Variants in CALM3 observed in about 807,000 individuals in gnomAD.
The protein encoded by CALM3 is calmodulin 3, also known as calmodulin-3.
A neutral mutation model predicts 20.1 loss-of-function variants in CALM3; 5 were observed. The observed-to-expected ratio is 0.25, with a 90% CI of 0.13 to 0.52. The LOEUF is 0.52. CALM3 is among the 20% of genes least tolerant of loss of function. The pLI is 0.96. For missense variants in CALM3, 57 were observed against 192.8 expected, an observed-to-expected ratio of 0.30 and a Z score of 4.17; for synonymous variants, 69 against 68.1, an observed-to-expected ratio of 1.01 and a Z score of -0.06.
At position 46,608,138 on chromosome 19, in the gene CALM3, G is replaced by A; in HGVS notation, c.35-59G>A. 6.5e-7 allele frequency: 1 copy of A among 1,547,718 alleles called. No homozygotes were observed. The highest frequency in any genetic ancestry group is 8.8e-7 in the Non-Finnish European group (1 of 1,137,294). On this transcript the variant is annotated intron_variant, in intron 2 of 5. Transcript: ENST00000291295. The surrounding 1 kb of genome is among the most constrained non-coding windows in gnomAD (Gnocchi z 5.5). Reference sequence around the variant, plus strand: ...CTCCAGGGAAGGCATCCAGCATCCAGAGGTAAGGATTCTCCTGTGGACCTT... The same window carrying A: ...CTCCAGGGAAGGCATCCAGCATCCAAAGGTAAGGATTCTCCTGTGGACCTT...
Position 46,601,405 on chromosome 19 carries a change from C to A in CALM3, c.-30C>A, listed in dbSNP as rs564316220. 193 of 1,500,284 alleles carry A rather than the reference C, an allele frequency of 1.3e-4. 2 individuals are homozygous for A. The South Asian group carries it at 2.1e-3, about 17-fold the overall frequency. 92.9% of individuals were successfully genotyped at this position (1,500,284 alleles called of 1,614,324 possible). Reference sequence around the variant, plus strand: ...CTGCCGCCGCCGGAGGAACCTTGATCCCCGTGCTCCGGACACCCCGGGCCT... The same window carrying A: ...CTGCCGCCGCCGGAGGAACCTTGATACCCGTGCTCCGGACACCCCGGGCCT... On this transcript the variant is annotated 5_prime_UTR_variant, in exon 1 of 6. Coordinates refer to ENST00000291295, the MANE Select transcript of CALM3 (RefSeq NM_005184.4). The surrounding 1 kb of genome is among the most constrained non-coding windows in gnomAD (Gnocchi z 4.2).
rs1568666582 is a variant in CALM3, at chr19:46,608,781, C to T, written c.286-65C>T. The T allele has an allele frequency of 1.3e-6, 2 of 1,491,480 alleles. No homozygotes were observed. The highest frequency in any genetic ancestry group is 2.3e-5 in the East Asian group (1 of 43,018). The allele number at this position is 1,491,480 out of a possible 1,614,324, so 92.4% of individuals were successfully genotyped here. A position where few individuals can be genotyped will look rare whatever the true frequency, so the allele number is the denominator to read the frequency against. Reference sequence around the variant, plus strand: ...CTGAGGGATGGTGATGACAGCCACCCCTCTCACTGCCTCTCTCCCCACCGG... The same window carrying T: ...CTGAGGGATGGTGATGACAGCCACCTCTCTCACTGCCTCTCTCCCCACCGG... On this transcript the variant is annotated intron_variant, in intron 4 of 5. Coordinates refer to ENST00000291295, the MANE Select transcript of CALM3 (RefSeq NM_005184.4). The surrounding 1 kb of genome is among the most constrained non-coding windows in gnomAD (Gnocchi z 5.5).
Position 46,605,953 on chromosome 19 carries a change from G to T in CALM3, c.34+96G>T. 2.7e-6 allele frequency: 3 copies of T among 1,100,158 alleles called. No individual in the cohort carries two copies. 68.1% of individuals were successfully genotyped at this position (1,100,158 alleles called of 1,614,324 possible). A position where few individuals can be genotyped will look rare whatever the true frequency, so the allele number is the denominator to read the frequency against. On this transcript the variant is annotated intron_variant, in intron 2 of 5. Transcript: ENST00000291295. This position sits in a 1 kb window ranked among gnomAD's most constrained non-coding sequence, Gnocchi z 4.1. The stretch of plus-strand genomic sequence containing the variant: ...GGAGTGACATCTGATGGGTGAACCT[G>T]TGTATCCCTTGTGTCACCTAACACT...
At chr19:46,602,393 GTGGGGGAGGACTTGGGCTTGGGTGGT>G (rs973108674) in intron 1 of CALM3, among the ~76,000 whole-genome samples, 6 of 151,242 alleles carry the variant, frequency 4.0e-5, no homozygotes, top group Non-Finnish European at 8.8e-5. Context: ...AAGGTGAGGG[GTGGGGGAGGACTTGGGCTTGGGTGGT>G]TGGGAGGTGA....
intron 2 of CALM3, chr19:46,607,823 C>T (rs182015343): frequency 5.9e-6 from 1 of 169,962 alleles, no homozygotes; most frequent in African/African-American, 2.4e-5. Context: ...ATCCTTTCGG[C>T]TCTCATTCAC....
In CALM3 at chr19:46,601,424, C is replaced by A; in HGVS notation, c.-11C>A. The A allele has an allele frequency of 6.6e-7, 1 of 1,504,624 alleles. No individual in the cohort carries two copies. The highest frequency in any genetic ancestry group is 1.2e-5 in the South Asian group (1 of 81,744). 93.2% of individuals were successfully genotyped at this position (1,504,624 alleles called of 1,614,324 possible). A position where few individuals can be genotyped will look rare whatever the true frequency, so the allele number is the denominator to read the frequency against. On this transcript the variant is annotated 5_prime_UTR_variant, in exon 1 of 6. Transcript: ENST00000291295. The surrounding 1 kb of genome is among the most constrained non-coding windows in gnomAD (Gnocchi z 4.2). ...CTTGATCCCCGTGCTCCGGACACCC[C>A]GGGCCTCGCCATGGTGAGTGAGGCT...
intron 2 of CALM3, among the ~76,000 whole-genome samples, chr19:46,606,636 G>C (rs1971748656): frequency 6.6e-6 from 1 of 152,078 alleles, no homozygotes. Context: ...ACTTTTGCTG[G>C]CTAAACAAAC....
In CALM3 at chr19:46,608,179, T is replaced by C. The variant is rs780566686; in HGVS notation, c.35-18T>C. On this transcript the variant is annotated intron_variant, in intron 2 of 5. Coordinates refer to ENST00000291295, the MANE Select transcript of CALM3 (RefSeq NM_005184.4). This position sits in a 1 kb window ranked among gnomAD's most constrained non-coding sequence, Gnocchi z 5.5. ...TGTGGACCTTGTGACCTCTGACTCCTCCCCCTTCTTCCCCCAGAGTTCAAG... is the reference window on the plus strand; with the variant it reads ...TGTGGACCTTGTGACCTCTGACTCCCCCCCCTTCTTCCCCCAGAGTTCAAG... 11 of 1,610,660 alleles carry C rather than the reference T, an allele frequency of 6.8e-6. No individual in the cohort carries two copies. The Admixed American group carries it at 1.7e-4, about 24-fold the overall frequency.
In CALM3 at chr19:46,608,631, C is replaced by G; in HGVS notation, c.285+43C>G. On this transcript the variant is annotated intron_variant, in intron 4 of 5. Transcript: ENST00000291295. The surrounding 1 kb of genome is among the most constrained non-coding windows in gnomAD (Gnocchi z 5.5). ...GGGGCGGCTCTGAGACTGACGCCAG[C>G]CTTCAGGCAGACAGGCGGAACTGGA... The G allele has an allele frequency of 6.6e-7, 1 of 1,510,570 alleles. No homozygotes were observed. The allele number at this position is 1,510,570 out of a possible 1,614,324, so 93.6% of individuals were successfully genotyped here. A position where few individuals can be genotyped will look rare whatever the true frequency, so the allele number is the denominator to read the frequency against.
In CALM3 at chr19:46,605,474, C is replaced by T. The variant is rs1414049435; in HGVS notation, c.4-353C>T. On this transcript the variant is annotated intron_variant, in intron 1 of 5. Coordinates refer to ENST00000291295, the MANE Select transcript of CALM3 (RefSeq NM_005184.4). This position sits in a 1 kb window ranked among gnomAD's most constrained non-coding sequence, Gnocchi z 4.1. ...TCACTGATGAGATGCAAACCTGTGCCAGGCCTCACCAGCGCTGCTGGTTTG... is the reference window on the plus strand; with the variant it reads ...TCACTGATGAGATGCAAACCTGTGCTAGGCCTCACCAGCGCTGCTGGTTTG... Among the ~76,000 whole-genome samples the T allele has an allele frequency of 6.6e-6, 1 of 152,240 alleles. No homozygotes were observed. The highest frequency in any genetic ancestry group is 2.4e-5 in the African/African-American group (1 of 41,460).
chr19:46,608,672 CT>C lies in CALM3; in HGVS notation c.285+86del. ...CGGAACTGGAGCCACGGAGCTACCA[CT>C]TCCAGGAGGTCCGGGTCCCGGTGCC... On this transcript the variant is annotated intron_variant, in intron 4 of 5. Transcript: ENST00000291295. The surrounding 1 kb of genome is among the most constrained non-coding windows in gnomAD (Gnocchi z 5.5). 7.5e-7 allele frequency: 1 copy of C among 1,329,732 alleles called. No homozygotes were observed. The highest frequency in any genetic ancestry group is 1.1e-6 in the Non-Finnish European group (1 of 939,448). 82.4% of individuals were successfully genotyped at this position (1,329,732 alleles called of 1,614,324 possible). A position where few individuals can be genotyped will look rare whatever the true frequency, so the allele number is the denominator to read the frequency against.
intron 1 of CALM3, chr19:46,602,266 A>C (rs1971640996): frequency 7.8e-7 from 1 of 1,286,354 alleles, no homozygotes; most frequent in African/African-American, 1.5e-5. Flanking sequence ...GTTAATTTGG[A>C]AGTAGCTAGA....
At chr19:46,606,247 G>C in intron 2 of CALM3, 2 of 206,862 alleles carry the variant, frequency 9.7e-6, no homozygotes, top group Non-Finnish European at 1.9e-5. Flanking sequence ...GAGCCGCCCA[G>C]GAGCTGGCTC....
In CALM3 at chr19:46,601,996, G is replaced by A. The variant is rs1971629655; in HGVS notation, c.3+559G>A. 1.1e-6 allele frequency: 1 copy of A among 878,012 alleles called. No individual in the cohort carries two copies. Among genetic ancestry groups the A allele is most frequent in the East Asian group, 6.2e-5 (1 of 16,032 alleles). The allele number at this position is 878,012 out of a possible 1,614,324, so 54.4% of individuals were successfully genotyped here. On this transcript the variant is annotated intron_variant, in intron 1 of 5. Transcript: ENST00000291295. This position sits in a 1 kb window ranked among gnomAD's most constrained non-coding sequence, Gnocchi z 4.2. ...CCTGTGGAGCAGAGGAGAGGGTCAAGGATGGGCGGTCACTTCTACAGATGA... is the reference window on the plus strand; with the variant it reads ...CCTGTGGAGCAGAGGAGAGGGTCAAAGATGGGCGGTCACTTCTACAGATGA...
In CALM3 at chr19:46,605,431, A is replaced by C. The variant is rs1383980708; in HGVS notation, c.4-396A>C. 1 of 207,202 alleles carries C rather than the reference A, an allele frequency of 4.8e-6. No homozygotes were observed. The highest frequency in any genetic ancestry group is 9.8e-6 in the Non-Finnish European group (1 of 102,408). 12.8% of individuals were successfully genotyped at this position (207,202 alleles called of 1,614,324 possible). Reference sequence around the variant, plus strand: ...GGCCTCCAGGGCAATCGTTCCCTTCACTCGGCCTCTGGGGCTCTCACTGAT... The same window carrying C: ...GGCCTCCAGGGCAATCGTTCCCTTCCCTCGGCCTCTGGGGCTCTCACTGAT... On this transcript the variant is annotated intron_variant, in intron 1 of 5. Transcript: ENST00000291295. The surrounding 1 kb of genome is among the most constrained non-coding windows in gnomAD (Gnocchi z 4.1).
chr19:46,607,632 C>T (rs930900931), intron 2 of CALM3, among the ~76,000 whole-genome samples: 3 of 152,202 alleles, frequency 2.0e-5, no homozygotes, highest in Admixed American at 6.5e-5. Context: ...ACCACCCCCA[C>T]GCTCACCACA....
intron 1 of CALM3, chr19:46,602,761 G>T (rs527707797): frequency 3.3e-4 from 55 of 165,254 alleles, no homozygotes; most frequent in Non-Finnish European, 5.4e-4. Context: ...TCACTCTGTC[G>T]CTGCCCTTTT....
chr19:46,601,521 C>T lies in CALM3; in HGVS notation c.3+84C>T. On this transcript the variant is annotated intron_variant, in intron 1 of 5. Transcript: ENST00000291295. The surrounding 1 kb of genome is among the most constrained non-coding windows in gnomAD (Gnocchi z 4.2). ...GGACCCCTGAGGGGGCGACAGAGCC[C>T]AGAGTGGGGGGCGTCCGGGCCCGGC... is the stretch of plus-strand genomic sequence containing the variant. 1.6e-6 allele frequency: 2 copies of T among 1,263,942 alleles called. No homozygotes were observed. The highest frequency in any genetic ancestry group is 2.0e-6 in the Non-Finnish European group (2 of 979,398). 78.3% of individuals were successfully genotyped at this position (1,263,942 alleles called of 1,614,324 possible). A position where few individuals can be genotyped will look rare whatever the true frequency, so the allele number is the denominator to read the frequency against.
In CALM3 at chr19:46,610,475, A is replaced by G. The variant is rs1038506637; in HGVS notation, c.*1322A>G. 1.1e-3 allele frequency: 27 copies of G among 25,646 alleles called. No individual in the cohort carries two copies. The highest frequency in any genetic ancestry group is 4.0e-3 in the African/African-American group (26 of 6,554). The allele number at this position is 25,646 out of a possible 1,614,324, so 1.6% of individuals were successfully genotyped here. ...ATCTGGCTCCCCCCACCACCTCCCCACCCCACCCCCCACCCCCTGCTTCCC... is the reference window on the plus strand; with the variant it reads ...ATCTGGCTCCCCCCACCACCTCCCCGCCCCACCCCCCACCCCCTGCTTCCC... On this transcript the variant is annotated 3_prime_UTR_variant, in exon 6 of 6. Transcript: ENST00000291295.
Sources: gnomAD v4.1 joint callset for allele counts (sites outside exome capture counted in the v4.1 genomes callset) on GRCh38, gnomAD v4.1.1 for gene constraint, Gnocchi (gnomAD v3.1) non-coding constraint, MANE v1.5 for transcripts, NCBI Gene and HGNC (gene_info 2026-07-23, HGNC 2026-07-21) for gene names.